Variants in FRS2 observed in about 807,000 individuals in gnomAD.
FRS2 encodes fibroblast growth factor receptor substrate 2, also known as FGFR signalling adaptor.
In FRS2, 8 loss-of-function variants were observed where a neutral mutation model predicts 43.9. The ratio of observed to expected loss-of-function variants is 0.18; its 90% CI spans 0.11 to 0.33. The LOEUF is 0.33. Ranked by LOEUF, FRS2 falls within the 10% of genes least tolerant of loss-of-function variation. The pLI is 1.00. For missense variants in FRS2, 534 were observed against 627.6 expected (o/e 0.85, Z 1.59); for synonymous variants, 219 against 220.3 (o/e 0.99, Z 0.05).
rs1014425603 is a variant in FRS2 at position 69,568,989 on chromosome 12, A to C, written c.-26-16A>C. ...TCCTTCATCTAATAAATTTTTCCAA[A>C]TTATTTTTCATGTAGTGCACACATG... On this transcript the variant is annotated splice_polypyrimidine_tract_variant and intron_variant, in intron 4 of 8. Coordinates refer to ENST00000549921, the MANE Select transcript of FRS2 (RefSeq NM_001278356.2). 3 of 1,390,236 alleles carry C rather than the reference A, an allele frequency of 2.2e-6. No individual in the cohort carries two copies. Among genetic ancestry groups the C allele is most frequent in the Non-Finnish European group, 1.0e-6 (1 of 1,003,252 alleles). 86.1% of individuals were successfully genotyped at this position (1,390,236 alleles called of 1,614,324 possible).
chr12:69,499,029 A>G (rs1030054857), intron 1 of FRS2, among the ~76,000 whole-genome samples: 2 of 152,216 alleles, frequency 1.3e-5, no homozygotes, highest in African/African-American at 4.8e-5. Flanking sequence ...ACAGCTGGCA[A>G]ATGATGGAAA....
At chr12:69,484,198 C>T (rs1413609486) in intron 1 of FRS2, among the ~76,000 whole-genome samples, 1 of 152,086 alleles carries the variant, frequency 6.6e-6, no homozygotes, top group Admixed American at 6.6e-5. Context: ...CATTCTCCTG[C>T]CTCAGCCTCC....
At chr12:69,543,716 C>T (rs756451468) in intron 3 of FRS2, among the ~76,000 whole-genome samples, 10 of 152,000 alleles carry the variant, frequency 6.6e-5, no homozygotes, top group Non-Finnish European at 1.2e-4. Flanking sequence ...TATGCTGATA[C>T]CAGATAGAAA....
chr12:69,572,047 T>G, intron 7 of FRS2, 71 bp from the exon 8 acceptor site: 1 of 1,183,462 alleles, frequency 8.4e-7, no homozygotes, highest in Non-Finnish European at 1.2e-6. Flanking sequence ...TCAGTACAGA[T>G]TCGATTCTTA....
intron 1 of FRS2, among the ~76,000 whole-genome samples, chr12:69,474,031 C>T (rs12366583): frequency 0.18 from 26,898 of 151,974 alleles, 2,703 homozygotes; most frequent in Middle Eastern, 0.29. Context: ...TTAGTAGAGA[C>T]GGGGTTTCAC....
At chr12:69,535,228 C>T (rs767006577) in intron 3 of FRS2, among the ~76,000 whole-genome samples, 1 of 152,124 alleles carries the variant, frequency 6.6e-6, no homozygotes, top group Non-Finnish European at 1.5e-5. Flanking sequence ...AAACTAACAT[C>T]CCATTTACCT....
At chr12:69,491,114 G>C (rs1037285980) in intron 1 of FRS2, among the ~76,000 whole-genome samples, 3 of 151,968 alleles carry the variant, frequency 2.0e-5, no homozygotes, top group Non-Finnish European at 4.4e-5. Flanking sequence ...TTTCTTTTGA[G>C]ACAGGGTCTC....
rs146643035 is a variant in FRS2, at chr12:69,483,650, C to T, written c.-261+13120C>T. Among the ~76,000 whole-genome samples the T allele has an allele frequency of 3.1e-3, 477 of 152,086 alleles. 5 individuals are homozygous for T. Among genetic ancestry groups the T allele is most frequent in the African/African-American group, 0.011 (447 of 41,476 alleles). On this transcript the variant is annotated intron_variant, in intron 1 of 8. Transcript: ENST00000549921. The stretch of plus-strand genomic sequence containing the variant: ...ATTAAGTATTTTCCGTGTCACCATC[C>T]ATCATATTTAGTTGTTGCTATCATA...
intron 1 of FRS2, among the ~76,000 whole-genome samples, chr12:69,490,167 A>G (rs1357264255): frequency 1.3e-5 from 2 of 152,162 alleles, no homozygotes; most frequent in African/African-American, 2.4e-5. Flanking sequence ...CTTGTTTTAT[A>G]ATGAAATAGA....
Position 69,572,112 on chromosome 12 carries a change from ACT to A in FRS2, c.413-4_413-3del. 10 of 1,611,868 alleles carry A rather than the reference ACT, an allele frequency of 6.2e-6. No individual in the cohort carries two copies. The highest frequency in any genetic ancestry group is 8.5e-6 in the Non-Finnish European group (10 of 1,178,642). ...CTTTTCCTTAAACCAATAAACAAAA[ACT>A]CAGCTCCAGGATTTGCTGCTCAGAA... On this transcript the variant is annotated splice_polypyrimidine_tract_variant and splice_region_variant and intron_variant, in intron 7 of 8. Coordinates refer to ENST00000549921, the MANE Select transcript of FRS2 (RefSeq NM_001278356.2).
intron 1 of FRS2, among the ~76,000 whole-genome samples, chr12:69,529,100 T>C (rs1876540391): frequency 1.3e-5 from 2 of 152,164 alleles, no homozygotes; most frequent in Non-Finnish European, 2.9e-5. Context: ...GAGAATTCGA[T>C]TAGAAGAATG....
chr12:69,570,952 T>C (rs925373981), intron 6 of FRS2, among the ~76,000 whole-genome samples: 1 of 152,190 alleles, frequency 6.6e-6, no homozygotes, highest in Non-Finnish European at 1.5e-5. Flanking sequence ...AGGGGCCTGT[T>C]ACATGGCAAA....
chr12:69,540,224 G>A (rs918883094), intron 3 of FRS2, among the ~76,000 whole-genome samples: 2 of 151,762 alleles, frequency 1.3e-5, no homozygotes, highest in Admixed American at 1.3e-4. Flanking sequence ...CTGCACTCCA[G>A]CCTGGACGAC....
intron 3 of FRS2, among the ~76,000 whole-genome samples, chr12:69,542,850 C>T (rs958040488): frequency 6.6e-6 from 1 of 152,188 alleles, no homozygotes; most frequent in Non-Finnish European, 1.5e-5. Flanking sequence ...AGAGTATCTT[C>T]ACCTTCACCC....
intron 3 of FRS2, among the ~76,000 whole-genome samples, chr12:69,535,727 G>T (rs1373054225): frequency 1.3e-5 from 2 of 151,998 alleles, no homozygotes; most frequent in Non-Finnish European, 1.5e-5. Context: ...CTCTGTCTTG[G>T]TTTTGTTTTG....
chr12:69,560,410 A>G (rs193171376), intron 3 of FRS2, among the ~76,000 whole-genome samples: 1 of 152,360 alleles, frequency 6.6e-6, no homozygotes, highest in African/African-American at 2.4e-5. Flanking sequence ...GTAAAATAAC[A>G]AAGTATTGTT....
intron 1 of FRS2, among the ~76,000 whole-genome samples, chr12:69,497,259 T>TG (rs1872989021): frequency 2.6e-5 from 4 of 152,322 alleles, no homozygotes; most frequent in Non-Finnish European, 5.9e-5. Flanking sequence ...GGTTGGAATG[T>TG]GGGGTGAGCT....
At chr12:69,551,820 C>A (rs1350128397) in intron 3 of FRS2, among the ~76,000 whole-genome samples, 2 of 152,064 alleles carry the variant, frequency 1.3e-5, no homozygotes, top group Non-Finnish European at 2.9e-5. Flanking sequence ...ATGGTCCAAA[C>A]AACTTTTCAT....
At position 69,574,593 on chromosome 12, in the gene FRS2, A is replaced by G. The variant is rs778440805; in HGVS notation, c.1165A>G (p.Met389Val). Residue 389 changes from methionine (M) to valine (V), a missense_variant, in exon 9 of 9, where the codon ATG (methionine) becomes GTG (valine). Met to Val is a conservative substitution (Grantham distance 21). Transcript: ENST00000549921. ...TGGCTACCATAATAATCTAGATCCA[A>G]TGCATAACTATGTAAATACAGAGAA... ...LNGYHNNLDP[M>V]HNYVNTENVT... 18 of 1,613,950 alleles carry G rather than the reference A, an allele frequency of 1.1e-5. No individual in the cohort carries two copies. The highest frequency in any genetic ancestry group is 1.4e-5 in the Non-Finnish European group (16 of 1,179,894).
Sources: gnomAD v4.1 joint callset for allele counts (sites outside exome capture counted in the v4.1 genomes callset) on GRCh38, gnomAD v4.1.1 for gene constraint, MANE v1.5 for transcripts, NCBI Gene and HGNC (gene_info 2026-07-23, HGNC 2026-07-21) for gene names.